KCNQ5: variants seen among roughly 807,000 people sequenced by gnomAD.
KCNQ5 encodes potassium voltage-gated channel subfamily KQT member 5.
Under a neutral mutation model 98.2 loss-of-function variants are expected in KCNQ5, and 30 were observed. The observed-to-expected ratio is 0.31, with a 90% CI of 0.23 to 0.41. KCNQ5 has a LOEUF of 0.41. Ranked by LOEUF, KCNQ5 falls within the 10% of genes least tolerant of loss-of-function variation. KCNQ5 has a pLI of 1.00. For synonymous variants in KCNQ5, 458 were observed against 449.4 expected, an observed-to-expected ratio of 1.02 and a Z score of -0.24; for missense variants, 835 against 1,182.5, an observed-to-expected ratio of 0.71 and a Z score of 4.31.
intron 2 of KCNQ5, among the ~76,000 whole-genome samples, chr6:73,009,662 G>T (rs1769976363): frequency 6.6e-6 from 1 of 152,120 alleles, no homozygotes; most frequent in East Asian, 1.9e-4. Flanking sequence ...AAGAATACTC[G>T]AATTAATAGA....
At chr6:72,985,685 C>T (rs1023446928) in intron 1 of KCNQ5, among the ~76,000 whole-genome samples, 1 of 152,138 alleles carries the variant, frequency 6.6e-6, no homozygotes, top group African/African-American at 2.4e-5. Context: ...GTGGAGAAAA[C>T]GGACAACTTA....
intron 1 of KCNQ5, among the ~76,000 whole-genome samples, chr6:72,628,013 C>T (rs1306475930): frequency 6.6e-6 from 1 of 152,168 alleles, no homozygotes; most frequent in Non-Finnish European, 1.5e-5. Context: ...GTACTGTCAT[C>T]GTGGGCTACT....
intron 1 of KCNQ5, among the ~76,000 whole-genome samples, chr6:72,725,318 A>G (rs574659962): frequency 2.0e-5 from 3 of 152,230 alleles, no homozygotes; most frequent in East Asian, 3.9e-4. Flanking sequence ...CATTTTTTCT[A>G]TGCTTGTACA....
intron 3 of KCNQ5, among the ~76,000 whole-genome samples, chr6:73,046,896 G>T (rs1038164396): frequency 6.6e-6 from 1 of 152,116 alleles, no homozygotes; most frequent in Non-Finnish European, 1.5e-5. Context: ...ACCCGCCTCA[G>T]CGTCCCAAAG....
chr6:72,773,305 A>G (rs922808490), intron 1 of KCNQ5, among the ~76,000 whole-genome samples: 13 of 152,202 alleles, frequency 8.5e-5, no homozygotes, highest in Admixed American at 3.3e-4. Context: ...GCAGCCATAA[A>G]AAAGGATGAG....
At chr6:72,693,508 A>C (rs1344218291) in intron 1 of KCNQ5, among the ~76,000 whole-genome samples, 2 of 152,170 alleles carry the variant, frequency 1.3e-5, no homozygotes, top group Non-Finnish European at 2.9e-5. Context: ...AGGATTCTTT[A>C]GCAGGGCAAG....
intron 1 of KCNQ5, among the ~76,000 whole-genome samples, chr6:72,769,820 G>A (rs1453768083): frequency 1.3e-5 from 2 of 152,060 alleles, no homozygotes; most frequent in Non-Finnish European, 2.9e-5. Context: ...GTTTCAAGAT[G>A]GGGAAGTAGA....
intron 1 of KCNQ5, among the ~76,000 whole-genome samples, chr6:72,721,413 T>C (rs1769953479): frequency 6.6e-6 from 1 of 152,220 alleles, no homozygotes; most frequent in Admixed American, 6.5e-5. Flanking sequence ...TGCACTTTTT[T>C]TTTTAAAGTC....
At chr6:72,805,483 A>G (rs925220394) in intron 1 of KCNQ5, among the ~76,000 whole-genome samples, 7 of 152,072 alleles carry the variant, frequency 4.6e-5, no homozygotes, top group African/African-American at 1.4e-4. Context: ...ATATATAGAT[A>G]TATGGATTTG....
At chr6:72,749,920 T>A (rs1771592366) in intron 1 of KCNQ5, among the ~76,000 whole-genome samples, 1 of 152,062 alleles carries the variant, frequency 6.6e-6, no homozygotes, top group Non-Finnish European at 1.5e-5. Flanking sequence ...TAAGCTATAA[T>A]TACAATGACA....
chr6:72,751,682 A>T (rs1771693245), intron 1 of KCNQ5, among the ~76,000 whole-genome samples: 1 of 152,058 alleles, frequency 6.6e-6, no homozygotes, highest in Admixed American at 6.6e-5. Context: ...ATTAAAAAGC[A>T]GCATAATTAG....
intron 2 of KCNQ5, among the ~76,000 whole-genome samples, chr6:73,009,358 C>T (rs537976742): frequency 1.3e-5 from 2 of 152,030 alleles, no homozygotes; most frequent in South Asian, 2.1e-4. Flanking sequence ...GAAAACAAAA[C>T]GCAACCTGCC....
At chr6:73,149,683 GC>G (rs1243228792) in intron 10 of KCNQ5, among the ~76,000 whole-genome samples, 1 of 152,086 alleles carries the variant, frequency 6.6e-6, no homozygotes, top group East Asian at 1.9e-4. Flanking sequence ...TGTAATCCCC[GC>G]TACTCAGGAG....
chr6:73,179,481 A>T (rs1484655076), intron 11 of KCNQ5, among the ~76,000 whole-genome samples: 1 of 152,212 alleles, frequency 6.6e-6, no homozygotes, highest in Non-Finnish European at 1.5e-5. Context: ...ACCTCTTAAA[A>T]GTTCCACCCC....
Position 72,763,680 on chromosome 6 carries a change from A to G in KCNQ5, c.398+141093A>G, listed in dbSNP as rs998628426. Among the ~76,000 whole-genome samples, 6 of 152,050 alleles carry G rather than the reference A, an allele frequency of 3.9e-5. 1 individual carries two copies. The highest frequency in any genetic ancestry group is 5.9e-5 in the Non-Finnish European group (4 of 67,964). ...TCTGTCCTAAAGGAGGCCTCCAGCCAGGGCTTTCTCTGAATTCCATAATAT... is the reference window on the plus strand; with the variant it reads ...TCTGTCCTAAAGGAGGCCTCCAGCCGGGGCTTTCTCTGAATTCCATAATAT... On this transcript the variant is annotated intron_variant, in intron 1 of 13. Coordinates refer to ENST00000370398, the MANE Select transcript of KCNQ5 (RefSeq NM_019842.4).
chr6:72,802,924 C>G (rs901549486), intron 1 of KCNQ5, among the ~76,000 whole-genome samples: 2 of 152,152 alleles, frequency 1.3e-5, no homozygotes, highest in Non-Finnish European at 2.9e-5. Flanking sequence ...ATAACGTCAT[C>G]ATTGTATTGC....
chr6:73,135,480 T>G (rs1432454403), intron 10 of KCNQ5: 1 of 150,208 alleles, frequency 6.7e-6, no homozygotes, highest in Non-Finnish European at 1.5e-5. Context: ...AAACTAGCCC[T>G]TCAAGAAAAA....
rs546836234 is a variant in KCNQ5, at chr6:72,881,148, G to T, written c.399-122760G>T. 5.8e-4 allele frequency among the ~76,000 whole-genome samples: 88 copies of T among 152,308 alleles called. 1 individual carries two copies. In the South Asian group the frequency reaches 8.5e-3, roughly 15 times the overall value. Reference sequence around the variant, plus strand: ...CTTAAACCTTAGGAAAGCCATAGAGGAAGGAAACTCTTATTATCACTATCT... The same window carrying T: ...CTTAAACCTTAGGAAAGCCATAGAGTAAGGAAACTCTTATTATCACTATCT... On this transcript the variant is annotated intron_variant, in intron 1 of 13. Coordinates refer to ENST00000370398, the MANE Select transcript of KCNQ5 (RefSeq NM_019842.4).
chr6:72,777,463 C>A (rs1461942820), intron 1 of KCNQ5, among the ~76,000 whole-genome samples: 1 of 152,108 alleles, frequency 6.6e-6, no homozygotes, highest in Non-Finnish European at 1.5e-5. Context: ...TTGAGCTAGA[C>A]TCCTAGTCTA....
Sources: allele counts gnomAD v4.1 joint callset (sites outside exome capture counted in the v4.1 genomes callset), GRCh38; gene constraint gnomAD v4.1.1; transcripts MANE v1.5; gene names NCBI Gene and HGNC (gene_info 2026-07-23, HGNC 2026-07-21).